CLCN6: variants seen among roughly 807,000 people sequenced by gnomAD.
CLCN6 encodes H(+)/Cl(-) exchange transporter 6.
In CLCN6, 70 loss-of-function variants were observed where a neutral mutation model predicts 109.8. The observed-to-expected ratio is 0.64, with a 90% CI of 0.53 to 0.78. The LOEUF is 0.78. CLCN6 is among the 30% of genes least tolerant of loss of function. The pLI, the probability that CLCN6 is intolerant of heterozygous loss-of-function variation, is 0.00. For synonymous variants in CLCN6, 444 were observed against 447.8 expected (o/e 0.99, Z 0.11); for missense variants, 984 against 1,142.3 (o/e 0.86, Z 2.00).
At chr1:11,828,010 T>G in intron 10 of CLCN6, 96 bp from the exon 11 acceptor site, 1 of 874,326 alleles carries the variant, frequency 1.1e-6, no homozygotes, top group Non-Finnish European at 1.9e-6. Context: ...ATTCCGGAGG[T>G]CTCTGCGTAG....
intron 5 of CLCN6, among the ~76,000 whole-genome samples, chr1:11,822,106 T>C (rs1188157305): frequency 6.6e-6 from 1 of 152,206 alleles, no homozygotes; most frequent in Non-Finnish European, 1.5e-5. Context: ...TTTTGTTTCT[T>C]AAAATGGTAC....
At position 11,828,119 on chromosome 1, in the gene CLCN6, T is replaced by C. The variant is rs1430726287; in HGVS notation, c.854T>C (p.Met285Thr). The change falls in exon 11 of 23, where the codon ATG becomes ACG. Residue 285 changes from methionine (M) to threonine (T), a missense_variant. Transcript: ENST00000346436. Reference protein sequence around the residue: ...GLTWKVLFCSMSATFTLNFFR... With the variant: ...GLTWKVLFCSTSATFTLNFFR... ...CCTCTCCCCTAGCTCTTTTGTTCCA[T>C]GTCTGCCACCTTCACCCTCAACTTC... The C allele has an allele frequency of 5.6e-6, 9 of 1,613,932 alleles. No homozygotes were observed. Among genetic ancestry groups the C allele is most frequent in the Non-Finnish European group, 6.8e-6 (8 of 1,179,880 alleles).
Position 11,840,812 on chromosome 1 carries a change from T to C in CLCN6, c.*589T>C, listed in dbSNP as rs1383777752. 6.1e-6 allele frequency: 1 copy of C among 162,670 alleles called. No individual in the cohort carries two copies. Among genetic ancestry groups the C allele is most frequent in the African/African-American group, 2.4e-5 (1 of 41,852 alleles). The allele number at this position is 162,670 out of a possible 1,614,324, so 10.1% of individuals were successfully genotyped here. A position where few individuals can be genotyped will look rare whatever the true frequency, so the allele number is the denominator to read the frequency against. Reference sequence around the variant, plus strand: ...TGCTCCTGGGTGTGAGCAGAGGCTCTGGTCTTGCCCTGTGGTTTGACTCTC... The same window carrying C: ...TGCTCCTGGGTGTGAGCAGAGGCTCCGGTCTTGCCCTGTGGTTTGACTCTC... On this transcript the variant is annotated 3_prime_UTR_variant, in exon 23 of 23. Coordinates refer to ENST00000346436, the MANE Select transcript of CLCN6 (RefSeq NM_001286.5).
At position 11,835,997 on chromosome 1, in the gene CLCN6, C is replaced by T; in HGVS notation, c.1824C>T (p.Asn608=). The part of the protein sequence containing the change: ...KLRASDIMEP[N]LTYVYPHTRI... ...GAGCCAGCGACATCATGGAGCCCAACCTGACCTACGTCTACCCGCACACCC... is the reference window on the plus strand; with the variant it reads ...GAGCCAGCGACATCATGGAGCCCAATCTGACCTACGTCTACCCGCACACCC... Residue 608 remains asparagine (N), a synonymous_variant, in exon 18 of 23, where the codon AAC becomes AAT. Coordinates refer to ENST00000346436, the MANE Select transcript of CLCN6 (RefSeq NM_001286.5). 2 of 1,613,878 alleles carry T rather than the reference C, an allele frequency of 1.2e-6. No individual in the cohort carries two copies. The highest frequency in any genetic ancestry group is 1.7e-5 in the Admixed American group (1 of 59,960).
At position 11,838,430 on chromosome 1, in the gene CLCN6, G is replaced by A. The variant is rs747912652; in HGVS notation, c.2391G>A (p.Pro797=). ...ACCTGGACCTGACGCTGCTCAACCC[G>A]CGCATGATCGTGGTGAGAAGGGCTG... The part of the protein sequence containing the change: ...IHDLDLTLLN[P]RMIVDVTPYM... Residue 797 remains proline, a synonymous_variant, in exon 21 of 23, where the codon CCG becomes CCA. Coordinates refer to ENST00000346436, the MANE Select transcript of CLCN6 (RefSeq NM_001286.5). 17 of 1,613,992 alleles carry A rather than the reference G, an allele frequency of 1.1e-5. No individual in the cohort carries two copies. The highest frequency in any genetic ancestry group is 5.5e-5 in the South Asian group (5 of 91,082).
chr1:11,815,464 C>T (rs950857718), intron 2 of CLCN6, among the ~76,000 whole-genome samples: 2 of 152,020 alleles, frequency 1.3e-5, no homozygotes, highest in African/African-American at 2.4e-5. Context: ...GGTGCGATCT[C>T]GGCTCACCAC....
At position 11,838,407 on chromosome 1, in the gene CLCN6, C is replaced by G. The variant is rs1350266316; in HGVS notation, c.2368C>G (p.Leu790Val). 3.7e-6 allele frequency: 6 copies of G among 1,614,092 alleles called. No homozygotes were observed. Among genetic ancestry groups the G allele is most frequent in the Non-Finnish European group, 5.1e-6 (6 of 1,180,032 alleles). ...CCCGCGGTACCCCGACATCCACGAC[C>G]TGGACCTGACGCTGCTCAACCCGCG... ...DYPRYPDIHDLDLTLLNPRMI... is the reference protein window; with the variant it reads ...DYPRYPDIHDVDLTLLNPRMI... Residue 790 changes from leucine to valine, a missense_variant, in exon 21 of 23, where the codon CTG becomes GTG. Transcript: ENST00000346436.
chr1:11,836,779 T>C (rs1475388318), intron 18 of CLCN6, among the ~76,000 whole-genome samples: 2 of 152,212 alleles, frequency 1.3e-5, no homozygotes, highest in African/African-American at 4.8e-5. Context: ...ATCAAGCTGC[T>C]CTTCCCAGAT....
chr1:11,833,683 C>T (rs1322067032), intron 14 of CLCN6, 45 bp downstream of exon 14: 2 of 1,610,174 alleles, frequency 1.2e-6, no homozygotes, highest in Non-Finnish European at 8.5e-7. Context: ...TTGGTGTCAT[C>T]TCGGACACAG....
At position 11,823,739 on chromosome 1, in the gene CLCN6, C is replaced by T. The variant is rs1463351851; in HGVS notation, c.486C>T (p.Val162=). Residue 162 remains valine (V), a synonymous_variant, in exon 7 of 23, where the codon GTC becomes GTT. Coordinates refer to ENST00000346436, the MANE Select transcript of CLCN6 (RefSeq NM_001286.5). ...CAGCAGGTTCCGGGATACCCGAGGT[C>T]AAATGCTATCTGAATGGCGTAAAGG... ...PVAAGSGIPE[V]KCYLNGVKVP... 2 of 1,614,138 alleles carry T rather than the reference C, an allele frequency of 1.2e-6. No homozygotes were observed. The highest frequency in any genetic ancestry group is 2.2e-5 in the South Asian group (2 of 91,082).
At chr1:11,807,309 G>A in intron 2 of CLCN6, 119 bp downstream of exon 2, 2 of 842,122 alleles carry the variant, frequency 2.4e-6, no homozygotes, top group East Asian at 2.6e-5. Context: ...GGGAGTGAGT[G>A]GGTAAGAGAA....
At position 11,834,128 on chromosome 1, in the gene CLCN6, G is replaced by C; in HGVS notation, c.1526+98G>C. 6.3e-7 allele frequency: 1 copy of C among 1,592,008 alleles called. No individual in the cohort carries two copies. The highest frequency in any genetic ancestry group is 8.6e-7 in the Non-Finnish European group (1 of 1,169,090). On this transcript the variant is annotated intron_variant, in intron 15 of 22. Coordinates refer to ENST00000346436, the MANE Select transcript of CLCN6 (RefSeq NM_001286.5). This position sits in a 1 kb window ranked among gnomAD's most constrained non-coding sequence, Gnocchi z 4.5. The stretch of plus-strand genomic sequence containing the variant: ...CGTGTGCGTGCGTTGATGTGTCTGT[G>C]CCCATGCATGCACATATGTGCATAG...
rs565308889 is a variant in CLCN6 at position 11,834,036 on chromosome 1, C to G, written c.1526+6C>G. 10 of 1,613,772 alleles carry G rather than the reference C, an allele frequency of 6.2e-6. No homozygotes were observed. Among genetic ancestry groups the G allele is most frequent in the South Asian group, 1.1e-5 (1 of 91,054 alleles). Reference sequence around the variant, plus strand: ...GTTGCCAATGTCCTAAAAAGGTACTCTGTGTGTGTGCGTGTGTGTGCGCAT... The same window carrying G: ...GTTGCCAATGTCCTAAAAAGGTACTGTGTGTGTGTGCGTGTGTGTGCGCAT... On this transcript the variant is annotated splice_donor_region_variant and intron_variant, in intron 15 of 22. Coordinates refer to ENST00000346436, the MANE Select transcript of CLCN6 (RefSeq NM_001286.5). This position sits in a 1 kb window ranked among gnomAD's most constrained non-coding sequence, Gnocchi z 4.5.
intron 18 of CLCN6, 92 bp downstream of exon 18, chr1:11,836,245 G>GGCA: frequency 1.6e-6 from 2 of 1,213,340 alleles, no homozygotes; most frequent in Non-Finnish European, 2.3e-6. Flanking sequence ...GGCTGGGGTG[G>GGCA]ACTTACCGGC....
In CLCN6 at chr1:11,834,719, CTGAGCATGTG is replaced by C; in HGVS notation, c.1793+134_1793+143del. 1 of 806,538 alleles carries C rather than the reference CTGAGCATGTG, an allele frequency of 1.2e-6. No individual in the cohort carries two copies. The allele number at this position is 806,538 out of a possible 1,614,324, so 50.0% of individuals were successfully genotyped here. On this transcript the variant is annotated intron_variant, in intron 17 of 22. Transcript: ENST00000346436. The surrounding 1 kb of genome is among the most constrained non-coding windows in gnomAD (Gnocchi z 4.5). ...GCTGAAAGAAGCAACACACCCATTC[CTGAGCATGTG>C]TGAGAATGTGGAGCAGCCCATGGGC...
At chr1:11,833,745 C>G in intron 14 of CLCN6, 107 bp downstream of exon 14, 1 of 1,567,532 alleles carries the variant, frequency 6.4e-7, no homozygotes, top group Non-Finnish European at 8.6e-7. Flanking sequence ...GTAACGCCCA[C>G]CCAGACAAAA....
intron 8 of CLCN6, among the ~76,000 whole-genome samples, chr1:11,825,563 G>A (rs1254798272): frequency 5.9e-5 from 9 of 152,218 alleles, no homozygotes; most frequent in South Asian, 4.1e-4. Context: ...CTAGAAACAC[G>A]AGGGCAGGAA....
intron 5 of CLCN6, 49 bp from the exon 6 acceptor site, chr1:11,822,646 G>C (rs1219558801): frequency 1.8e-6 from 2 of 1,126,318 alleles, no homozygotes; most frequent in Admixed American, 3.4e-5. Context: ...AGTGATGACG[G>C]GGACACCCCT....
chr1:11,830,105 G>GGC (rs1644861481), intron 13 of CLCN6: 1 of 152,240 alleles, frequency 6.6e-6, no homozygotes, highest in Admixed American at 6.5e-5. Context: ...CTTCTTGGGG[G>GGC]GCGCGATATT....
Sources: gnomAD v4.1 joint callset for allele counts (sites outside exome capture counted in the v4.1 genomes callset) on GRCh38, gnomAD v4.1.1 for gene constraint, Gnocchi (gnomAD v3.1) non-coding constraint, MANE v1.5 for transcripts, NCBI Gene and HGNC (gene_info 2026-07-23, HGNC 2026-07-21) for gene names.